Variants in HNF1B observed in about 807,000 individuals in gnomAD.
The protein encoded by HNF1B is hepatocyte nuclear factor 1-beta.
In HNF1B, 8 loss-of-function variants were observed where a neutral mutation model predicts 61.7. The observed-to-expected ratio is 0.13, with a 90% confidence interval of 0.08 to 0.23. The LOEUF is 0.23. HNF1B is among the 10% of genes least tolerant of loss of function. The pLI, the probability that HNF1B is intolerant of heterozygous loss-of-function variation, is 1.00. For missense variants in HNF1B, 562 were observed against 714.5 expected, an observed-to-expected ratio of 0.79 and a Z score of 2.43; for synonymous variants, 314 against 287.7, an observed-to-expected ratio of 1.09 and a Z score of -0.93.
chr17:37,736,432 A>C (rs899165583), intron 2 of HNF1B, among the ~76,000 whole-genome samples: 1 of 152,200 alleles, frequency 6.6e-6, no homozygotes, highest in Admixed American at 6.5e-5. Context: ...TGAGAAGTAC[A>C]GCCACCTCCA....
intron 2 of HNF1B, among the ~76,000 whole-genome samples, chr17:37,738,738 A>AG (rs1233390169): frequency 6.6e-6 from 1 of 152,238 alleles, no homozygotes; most frequent in Non-Finnish European, 1.5e-5. Context: ...CAGAAAAAAA[A>AG]CTTTGGGATG....
At chr17:37,735,664 A>G (rs947274968) in intron 2 of HNF1B, among the ~76,000 whole-genome samples, 1 of 152,238 alleles carries the variant, frequency 6.6e-6, no homozygotes, top group Non-Finnish European at 1.5e-5. Context: ...CTGTGGAATG[A>G]GACTGACTGA....
chr17:37,708,288 T>C (rs1363806564), intron 5 of HNF1B, among the ~76,000 whole-genome samples: 2 of 152,200 alleles, frequency 1.3e-5, no homozygotes, highest in Admixed American at 6.5e-5. Context: ...GCACATGCAC[T>C]AGGGTGTTGG....
rs1404879910 is a variant in HNF1B at position 37,744,684 on chromosome 17, G to A, written c.201C>T (p.Asn67=). 3.7e-6 allele frequency: 6 copies of A among 1,613,490 alleles called. No homozygotes were observed. Among genetic ancestry groups the A allele is most frequent in the Non-Finnish European group, 5.1e-6 (6 of 1,180,042 alleles). The change falls in exon 1 of 9, where the codon AAC becomes AAT. Residue 67 remains asparagine, a synonymous_variant. Transcript: ENST00000617811. ...DTKPVFHTLT[N]GHAKGRLSGD... is the part of the protein sequence containing the mutation. ...CGGACAAGCGGCCCTTGGCGTGGCC[G>A]TTGGTGAGAGTATGGAAGACCGGCT...
intron 1 of HNF1B, among the ~76,000 whole-genome samples, chr17:37,743,380 G>A (rs2034060998): frequency 6.6e-6 from 1 of 152,274 alleles, no homozygotes; most frequent in Non-Finnish European, 1.5e-5. Flanking sequence ...GGGCGGGAGA[G>A]CGACGAGGGA....
Position 37,687,336 on chromosome 17 carries a change from C to G in HNF1B, c.*36G>C. Reference sequence around the variant, plus strand: ...GGGTGATGGTGTGGAAAACAGGGTCCTTGTTGTTGCGCACGAAGTAAGTGG... The same window carrying G: ...GGGTGATGGTGTGGAAAACAGGGTCGTTGTTGTTGCGCACGAAGTAAGTGG... On this transcript the variant is annotated 3_prime_UTR_variant, in exon 9 of 9. Coordinates refer to ENST00000617811, the MANE Select transcript of HNF1B (RefSeq NM_000458.4). 6.2e-7 allele frequency: 1 copy of G among 1,614,064 alleles called. No individual in the cohort carries two copies. The highest frequency in any genetic ancestry group is 8.5e-7 in the Non-Finnish European group (1 of 1,180,028).
intron 4 of HNF1B, chr17:37,729,792 CA>C (rs1417249176): frequency 6.6e-6 from 1 of 152,302 alleles, no homozygotes; most frequent in African/African-American, 2.4e-5. Context: ...GTCACTTTGG[CA>C]AATCACTGCC....
At chr17:37,742,088 C>T (rs2034008505) in intron 1 of HNF1B, among the ~76,000 whole-genome samples, 1 of 152,216 alleles carries the variant, frequency 6.6e-6, no homozygotes, top group South Asian at 2.1e-4. Flanking sequence ...CCATTGTGTC[C>T]CAAGCGCAGG....
intron 4 of HNF1B, chr17:37,720,987 A>G: frequency 2.1e-6 from 2 of 974,200 alleles, no homozygotes; most frequent in Non-Finnish European, 2.4e-6. Context: ...GTGCAAACTG[A>G]TGTTACACAA....
rs73982505 is a variant in HNF1B, at chr17:37,697,654, A to C, written c.1653+1422T>G. Among the ~76,000 whole-genome samples, 451 of 152,296 alleles carry C rather than the reference A, an allele frequency of 3.0e-3. 1 individual carries two copies. The highest frequency in any genetic ancestry group is 0.01 in the African/African-American group (428 of 41,558). On this transcript the variant is annotated intron_variant, in intron 8 of 8. Coordinates refer to ENST00000617811, the MANE Select transcript of HNF1B (RefSeq NM_000458.4). ...GCCGCTGCGCCTGGCTGCCCCCCTG[A>C]TTGAGATTTGTGAGCACAGATAAAT...
At chr17:37,705,891 C>T (rs145260685) in intron 5 of HNF1B, among the ~76,000 whole-genome samples, 2 of 152,100 alleles carry the variant, frequency 1.3e-5, no homozygotes, top group African/African-American at 2.4e-5. Context: ...ATTATAAGGG[C>T]GCGATCAGTT....
rs138787412 is a variant in HNF1B, at chr17:37,715,972, A to T, written c.1046-5309T>A. ...CATGGTGAAACCCTGTCTCTACTAA[A>T]CATACAAAAATTAGCTGGGTATGGT... On this transcript the variant is annotated intron_variant, in intron 4 of 8. Transcript: ENST00000617811. Among the ~76,000 whole-genome samples, 208 of 152,170 alleles carry T rather than the reference A, an allele frequency of 1.4e-3. 1 individual carries two copies. Among genetic ancestry groups the T allele is most frequent in the African/African-American group, 4.7e-3 (196 of 41,532 alleles).
At chr17:37,694,532 CAGA>C (rs920605487) in intron 8 of HNF1B, among the ~76,000 whole-genome samples, 3 of 147,694 alleles carry the variant, frequency 2.0e-5, no homozygotes, top group Non-Finnish European at 3.0e-5. Context: ...TTTGGAGGAA[CAGA>C]AGAAGACAGG....
At chr17:37,724,456 A>G (rs2033426826) in intron 4 of HNF1B, among the ~76,000 whole-genome samples, 1 of 152,160 alleles carries the variant, frequency 6.6e-6, no homozygotes, top group South Asian at 2.1e-4. Context: ...GCCACATTTG[A>G]GAACTATTGT....
At chr17:37,717,282 G>A (rs922143407) in intron 4 of HNF1B, among the ~76,000 whole-genome samples, 3 of 151,992 alleles carry the variant, frequency 2.0e-5, no homozygotes, top group Non-Finnish European at 2.9e-5. Flanking sequence ...ATGTTCCTCT[G>A]GCTGGTGGAC....
At chr17:37,743,322 G>A (rs1176700970) in intron 1 of HNF1B, among the ~76,000 whole-genome samples, 10 of 152,226 alleles carry the variant, frequency 6.6e-5, no homozygotes, top group Non-Finnish European at 1.5e-5. Context: ...TCCGCCTCGC[G>A]GAACTCTCTT....
rs894083743 is a variant in HNF1B, at chr17:37,744,742, A to G, written c.143T>C (p.Leu48Pro). Residue 48 changes from leucine to proline, a missense_variant, in exon 1 of 9, where the codon CTG becomes CCG. Transcript: ENST00000617811. ...GGGCTCGGCCCCGCTGCCAGGGGACAGGGGCAGCGTCTCCAGCTTCACCCC... is the reference window on the plus strand; with the variant it reads ...GGGCTCGGCCCCGCTGCCAGGGGACGGGGGCAGCGTCTCCAGCTTCACCCC... ...NFGVKLETLP[L>P]SPGSGAEPDT... The G allele has an allele frequency of 6.2e-7, 1 of 1,613,522 alleles. No homozygotes were observed. Among genetic ancestry groups the G allele is most frequent in the Non-Finnish European group, 8.5e-7 (1 of 1,180,028 alleles).
chr17:37,738,865 C>T (rs1414496644), intron 2 of HNF1B, among the ~76,000 whole-genome samples: 1 of 152,220 alleles, frequency 6.6e-6, no homozygotes, highest in Non-Finnish European at 1.5e-5. Flanking sequence ...GAGGTCCCCA[C>T]ACTCTACCAG....
At position 37,686,995 on chromosome 17, in the gene HNF1B, T is replaced by C; in HGVS notation, c.*377A>G. ...GTGTTTGGCTCAGTTCAATAGCACA[T>C]GTCCTTCTCTCCTCATTTCAGTAAC... is the stretch of plus-strand genomic sequence containing the variant. On this transcript the variant is annotated 3_prime_UTR_variant, in exon 9 of 9. Coordinates refer to ENST00000617811, the MANE Select transcript of HNF1B (RefSeq NM_000458.4). 1 of 477,744 alleles carries C rather than the reference T, an allele frequency of 2.1e-6. No individual in the cohort carries two copies. The highest frequency in any genetic ancestry group is 2.1e-5 in the South Asian group (1 of 47,016). The allele number at this position is 477,744 out of a possible 1,614,324, so 29.6% of individuals were successfully genotyped here. A position where few individuals can be genotyped will look rare whatever the true frequency, so the allele number is the denominator to read the frequency against.
Sources: allele counts gnomAD v4.1 joint callset (sites outside exome capture counted in the v4.1 genomes callset), GRCh38; gene constraint gnomAD v4.1.1; transcripts MANE v1.5; gene names NCBI Gene and HGNC (gene_info 2026-07-23, HGNC 2026-07-21).